Variants in FBXO41 observed in about 807,000 individuals in gnomAD.
The protein encoded by FBXO41 is F-box protein 41.
A neutral mutation model predicts 81.6 loss-of-function variants in FBXO41; 33 were observed. That is an observed-to-expected ratio of 0.40 (90% confidence interval 0.31 to 0.54). The LOEUF is 0.54. Among genes scored for constraint, FBXO41 ranks in the 20% least tolerant of loss-of-function variants. The pLI, the probability that FBXO41 is intolerant of heterozygous loss-of-function variation, is 0.39. For synonymous variants in FBXO41, 576 were observed against 552.7 expected (o/e 1.04, Z -0.59); for missense variants, 1,107 against 1,236.0 (o/e 0.90, Z 1.56).
intron 1 of FBXO41, chr2:73,270,691 G>T: frequency 2.3e-6 from 1 of 439,692 alleles, no homozygotes; most frequent in South Asian, 1.7e-5. Context: ...ACCCCTTTTG[G>T]CACAAGGTCC....
Position 73,269,740 on chromosome 2 carries a change from C to T in FBXO41, c.-110G>A. 5 of 730,346 alleles carry T rather than the reference C, an allele frequency of 6.8e-6. No individual in the cohort carries two copies. The highest frequency in any genetic ancestry group is 7.0e-6 in the Non-Finnish European group (4 of 572,038). 45.2% of individuals were successfully genotyped at this position (730,346 alleles called of 1,614,324 possible). ...GGCCCCCTGCGGGGTCAGGAAGGCT[C>T]AGGGCGCCCGCGGCCTGGGGCGAGG... On this transcript the variant is annotated 5_prime_UTR_variant, in exon 2 of 13. Coordinates refer to ENST00000520530, the MANE Select transcript of FBXO41 (RefSeq NM_001371389.2). This position sits in a 1 kb window ranked among gnomAD's most constrained non-coding sequence, Gnocchi z 7.0.
chr2:73,282,868 G>A lies in FBXO41; in HGVS notation c.-139+1292C>T, dbSNP rs1369977194. ...AGAAGGTAATAGAGTTTGTTTTCTG[G>A]TGGCCCTGCCTCCCGGTCCCCACCT... On this transcript the variant is annotated intron_variant, in intron 1 of 12. Coordinates refer to ENST00000520530, the MANE Select transcript of FBXO41 (RefSeq NM_001371389.2). 1.1e-4 allele frequency among the ~76,000 whole-genome samples: 16 copies of A among 152,124 alleles called. No individual in the cohort carries two copies. In the East Asian group the frequency reaches 3.1e-3, roughly 29 times the overall value.
intron 1 of FBXO41, among the ~76,000 whole-genome samples, chr2:73,276,621 G>A (rs28680459): frequency 0.029 from 1,842 of 63,332 alleles, 97 homozygotes; most frequent in African/African-American, 0.1. Context: ...AGGGAGAGAG[G>A]GAGAGAATGC....
chr2:73,264,483 G>A lies in FBXO41; in HGVS notation c.1601C>T (p.Ala534Val), dbSNP rs750158557. ...GGAGCGTGAGGGGCTGACCCTCTCT[G>A]CTCGCCGACCCCGCCCACTGCCTCC... ...PEGGSGRGRRAERVSPSRSNE... is the reference protein window; with the variant it reads ...PEGGSGRGRRVERVSPSRSNE... Residue 534 changes from alanine (A) to valine (V), a missense_variant, in exon 6 of 13, where the codon GCA becomes GTA. Around this residue, in one of 2 missense-constraint regions of FBXO41, gnomAD observed 771 missense variants for 789.2 expected, o/e 0.98. Transcript: ENST00000520530. The A allele has an allele frequency of 1.2e-6, 2 of 1,613,834 alleles. No individual in the cohort carries two copies. The highest frequency in any genetic ancestry group is 1.7e-5 in the Admixed American group (1 of 60,032).
intron 1 of FBXO41, chr2:73,271,331 A>G (rs1688482850): frequency 4.4e-6 from 1 of 225,896 alleles, no homozygotes; most frequent in Non-Finnish European, 8.9e-6. Context: ...TCTTGGGGAT[A>G]TGACATAGAC....
At position 73,260,907 on chromosome 2, in the gene FBXO41, T is replaced by C; in HGVS notation, c.2172-49A>G. ...GTCAGGGAAGTCTCTGGATGCTTGA[T>C]AACCCAGCATGCTCCTCCTGTGGGA... On this transcript the variant is annotated intron_variant, in intron 9 of 12. Transcript: ENST00000520530. The surrounding 1 kb of genome is among the most constrained non-coding windows in gnomAD (Gnocchi z 5.0). 1 of 1,458,026 alleles carries C rather than the reference T, an allele frequency of 6.9e-7. No individual in the cohort carries two copies. Among genetic ancestry groups the C allele is most frequent in the Non-Finnish European group, 9.3e-7 (1 of 1,071,210 alleles). The allele number at this position is 1,458,026 out of a possible 1,614,324, so 90.3% of individuals were successfully genotyped here.
chr2:73,258,137 C>A lies in FBXO41; in HGVS notation c.*845G>T. 6.6e-6 allele frequency: 1 copy of A among 152,196 alleles called. No individual in the cohort carries two copies. Among genetic ancestry groups the A allele is most frequent in the East Asian group, 1.9e-4 (1 of 5,168 alleles). 9.4% of individuals were successfully genotyped at this position (152,196 alleles called of 1,614,324 possible). On this transcript the variant is annotated 3_prime_UTR_variant, in exon 13 of 13. Coordinates refer to ENST00000520530, the MANE Select transcript of FBXO41 (RefSeq NM_001371389.2). ...ACTACTTCTCACTGTGACAGGGCTGCCTGGGGCTGGGACCTTGACCCTCTG... is the reference window on the plus strand; with the variant it reads ...ACTACTTCTCACTGTGACAGGGCTGACTGGGGCTGGGACCTTGACCCTCTG...
At position 73,259,152 on chromosome 2, in the gene FBXO41, C is replaced by A. The variant is rs764250946; in HGVS notation, c.2565+29G>T. 21 of 1,613,380 alleles carry A rather than the reference C, an allele frequency of 1.3e-5. No individual in the cohort carries two copies. Among genetic ancestry groups the A allele is most frequent in the Non-Finnish European group, 1.5e-5 (18 of 1,179,434 alleles). On this transcript the variant is annotated intron_variant, in intron 12 of 12. Coordinates refer to ENST00000520530, the MANE Select transcript of FBXO41 (RefSeq NM_001371389.2). The surrounding 1 kb of genome is among the most constrained non-coding windows in gnomAD (Gnocchi z 4.2). ...CCAGTCTAGGGATGCCACTTGGGGT[C>A]TTGGACAGCCTCAGAGCTGACCCCT... is the stretch of plus-strand genomic sequence containing the variant.
In FBXO41 at chr2:73,259,226, G is replaced by A; in HGVS notation, c.2520C>T (p.Ser840=). 6.2e-7 allele frequency: 1 copy of A among 1,614,042 alleles called. No homozygotes were observed. Among genetic ancestry groups the A allele is most frequent in the South Asian group, 1.1e-5 (1 of 91,088 alleles). Residue 840 remains serine (S), a synonymous_variant, in exon 12 of 13, where the codon AGC becomes AGT. Coordinates refer to ENST00000520530, the MANE Select transcript of FBXO41 (RefSeq NM_001371389.2). This position sits in a 1 kb window ranked among gnomAD's most constrained non-coding sequence, Gnocchi z 4.2. Reference sequence around the variant, plus strand: ...CCTCAAACAGCTTCTGGGCCTCAGGGCTGCTGGGCTCTTTGAAATAATCCG... The same window carrying A: ...CCTCAAACAGCTTCTGGGCCTCAGGACTGCTGGGCTCTTTGAAATAATCCG... ...GIADYFKEPS[S]PEAQKLFEDM...
At chr2:73,265,097 A>G (rs1688193834) in intron 5 of FBXO41, among the ~76,000 whole-genome samples, 185 bp downstream of exon 5, 1 of 152,200 alleles carries the variant, frequency 6.6e-6, no homozygotes, top group South Asian at 2.1e-4. Flanking sequence ...ATCCTTGTGC[A>G]ACAGACAATC....
intron 2 of FBXO41, among the ~76,000 whole-genome samples, chr2:73,267,140 G>C (rs1391373668): frequency 6.6e-6 from 1 of 151,860 alleles, no homozygotes; most frequent in Non-Finnish European, 1.5e-5. Context: ...ACACTCCTAG[G>C]CACACACTTA....
At chr2:73,264,546 G>C (rs1343026853) in intron 5 of FBXO41, 27 bp from the exon 6 acceptor site, 5 of 1,611,686 alleles carry the variant, frequency 3.1e-6, no homozygotes, top group Non-Finnish European at 4.2e-6. Flanking sequence ...GTTCAAAAGT[G>C]AGCGTGGAGG....
chr2:73,265,324 C>T lies in FBXO41; in HGVS notation c.1522G>A (p.Gly508Arg), dbSNP rs756419839. 31 of 1,610,946 alleles carry T rather than the reference C, an allele frequency of 1.9e-5. No homozygotes were observed. In the Admixed American group the frequency reaches 3.0e-4, roughly 16 times the overall value. ...CTCAATGGCCCAGCCATAGCAGGCC[C>T]GGGGCGGGGCGCATCCAACGGGCCC... ...AEGPLDAPRPGPAMAGPLSSC... is the reference protein window; with the variant it reads ...AEGPLDAPRPRPAMAGPLSSC... The change falls in exon 5 of 13, where the codon GGG becomes AGG. Residue 508 changes from glycine to arginine, a missense_variant. Gly to Arg is a moderately radical substitution (Grantham distance 125). Coordinates refer to ENST00000520530, the MANE Select transcript of FBXO41 (RefSeq NM_001371389.2).
rs181046348 is a variant in FBXO41 at position 73,263,638 on chromosome 2, C to T, written c.2075+40G>A. 7 of 1,609,502 alleles carry T rather than the reference C, an allele frequency of 4.3e-6. No individual in the cohort carries two copies. The African/African-American group carries it at 9.3e-5, about 21-fold the overall frequency. ...CCTAGGGATCCGGTAGGACCCTGGG[C>T]TTAGAGGGAACAGGCCATGCTTCTA... On this transcript the variant is annotated intron_variant, in intron 8 of 12. Transcript: ENST00000520530.
At chr2:73,271,911 G>C (rs1021655062) in intron 1 of FBXO41, among the ~76,000 whole-genome samples, 2 of 152,186 alleles carry the variant, frequency 1.3e-5, no homozygotes, top group African/African-American at 2.4e-5. Context: ...TTACAGGTGT[G>C]AGCCACTGCA....
At position 73,266,902 on chromosome 2, in the gene FBXO41, C is replaced by T; in HGVS notation, c.906-220G>A. 1.8e-6 allele frequency: 1 copy of T among 569,948 alleles called. No homozygotes were observed. Among genetic ancestry groups the T allele is most frequent in the Non-Finnish European group, 2.8e-6 (1 of 357,756 alleles). The allele number at this position is 569,948 out of a possible 1,614,324, so 35.3% of individuals were successfully genotyped here. On this transcript the variant is annotated intron_variant, in intron 2 of 12. Transcript: ENST00000520530. The surrounding 1 kb of genome is among the most constrained non-coding windows in gnomAD (Gnocchi z 5.3). ...TCCGAGCCACACACTCACACCCCAC[C>T]CACCTGGCCCCAGACCCTGCTCTCC... is the stretch of plus-strand genomic sequence containing the variant.
rs1420362812 is a variant in FBXO41, at chr2:73,264,226, G to C, written c.1806+52C>G. The C allele has an allele frequency of 2.5e-6, 4 of 1,609,790 alleles. No homozygotes were observed. In the Admixed American group the frequency reaches 5.0e-5, roughly 20 times the overall value. Reference sequence around the variant, plus strand: ...ACCTCAAGGGGCCAGATTCTACCCAGGGGGAAAGGTGGGTTCACAGCAGGG... The same window carrying C: ...ACCTCAAGGGGCCAGATTCTACCCACGGGGAAAGGTGGGTTCACAGCAGGG... On this transcript the variant is annotated intron_variant, in intron 6 of 12. Coordinates refer to ENST00000520530, the MANE Select transcript of FBXO41 (RefSeq NM_001371389.2).
At chr2:73,270,800 G>A in intron 1 of FBXO41, 1 of 534,004 alleles carries the variant, frequency 1.9e-6, no homozygotes, top group Non-Finnish European at 3.8e-6. Context: ...CCTACCTTGT[G>A]GGGTCTCCAT....
Position 73,263,311 on chromosome 2 carries a change from G to A in FBXO41, c.2076-3C>T. On this transcript the variant is annotated splice_polypyrimidine_tract_variant and splice_region_variant and intron_variant, in intron 8 of 12. Transcript: ENST00000520530. ...GGCCCACGGGGTCTGTGGCACTCCTGTGAAAAGACAAAGCTGCTAGTCAGG... is the reference window on the plus strand; with the variant it reads ...GGCCCACGGGGTCTGTGGCACTCCTATGAAAAGACAAAGCTGCTAGTCAGG... The A allele has an allele frequency of 6.6e-7, 1 of 1,516,332 alleles. No individual in the cohort carries two copies. Among genetic ancestry groups the A allele is most frequent in the Non-Finnish European group, 8.8e-7 (1 of 1,130,962 alleles). The allele number at this position is 1,516,332 out of a possible 1,614,324, so 93.9% of individuals were successfully genotyped here. A position where few individuals can be genotyped will look rare whatever the true frequency, so the allele number is the denominator to read the frequency against.
Sources: gnomAD v4.1 joint callset for allele counts (sites outside exome capture counted in the v4.1 genomes callset) on GRCh38, gnomAD v4.1.1 for gene constraint, gnomAD v4.1.1 regional missense constraint, Gnocchi (gnomAD v3.1) non-coding constraint, MANE v1.5 for transcripts, NCBI Gene and HGNC (gene_info 2026-07-23, HGNC 2026-07-21) for gene names.